TOX: variants seen among roughly 807,000 people sequenced by gnomAD.
TOX encodes thymocyte selection-associated high mobility group box protein TOX.
In TOX, 11 loss-of-function variants were observed where a neutral mutation model predicts 53.7. That is an observed-to-expected ratio of 0.20 (90% CI 0.13 to 0.34). The LOEUF (loss-of-function observed/expected upper bound fraction) is 0.34, where lower values mean the gene tolerates loss of function less well. Ranked by LOEUF, TOX falls within the 10% of genes least tolerant of loss-of-function variation. The probability of loss-of-function intolerance (pLI) is 1.00; values close to 1 mark genes in which losing one functional copy is unlikely to be tolerated. For missense variants in TOX, 570 were observed against 664.6 expected, an observed-to-expected ratio of 0.86 and a Z score of 1.56; for synonymous variants, 225 against 245.3, an observed-to-expected ratio of 0.92 and a Z score of 0.77.
intron 5 of TOX, among the ~76,000 whole-genome samples, chr8:58,833,919 A>G (rs1005492195): frequency 1.3e-5 from 2 of 152,302 alleles, no homozygotes; most frequent in Admixed American, 6.5e-5. Context: ...CGCTTCTTTC[A>G]GCTTCCTTTT....
intron 3 of TOX, among the ~76,000 whole-genome samples, chr8:58,860,301 C>T (rs1187904882): frequency 1.3e-5 from 2 of 152,140 alleles, no homozygotes; most frequent in Non-Finnish European, 2.9e-5. Context: ...ATGTGCCAGG[C>T]ACTGTCTTAG....
intron 2 of TOX, among the ~76,000 whole-genome samples, chr8:58,959,306 C>G (rs576528262): frequency 3.6e-4 from 55 of 152,182 alleles, no homozygotes; most frequent in Non-Finnish European, 6.2e-4. Context: ...CAAACATTTA[C>G]TTTTATAAGT....
intron 3 of TOX, among the ~76,000 whole-genome samples, chr8:58,863,628 C>T (rs1387520212): frequency 6.6e-6 from 1 of 152,134 alleles, no homozygotes; most frequent in African/African-American, 2.4e-5. Flanking sequence ...TTTAGCTGTT[C>T]TTTAAACAAA....
intron 1 of TOX, among the ~76,000 whole-genome samples, chr8:59,007,157 T>C (rs1240798658): frequency 1.3e-5 from 2 of 152,128 alleles, no homozygotes; most frequent in African/African-American, 4.8e-5. Flanking sequence ...AAGCTATTAC[T>C]TCTCCACAGC....
chr8:59,006,634 C>A (rs1029427998), intron 1 of TOX, among the ~76,000 whole-genome samples: 3 of 152,116 alleles, frequency 2.0e-5, no homozygotes, highest in African/African-American at 7.2e-5. Flanking sequence ...ATATCTAATC[C>A]TCTAGGAACT....
At chr8:58,990,962 T>C (rs927840703) in intron 1 of TOX, among the ~76,000 whole-genome samples, 3 of 152,240 alleles carry the variant, frequency 2.0e-5, no homozygotes. Flanking sequence ...ATCTAACGTG[T>C]ATTGAGCACT....
At chr8:58,823,517 C>T (rs911240225) in intron 6 of TOX, among the ~76,000 whole-genome samples, 5 of 152,176 alleles carry the variant, frequency 3.3e-5, no homozygotes, top group African/African-American at 7.2e-5. Context: ...AGCCACCGTG[C>T]CTGGCTGGTA....
intron 3 of TOX, among the ~76,000 whole-genome samples, chr8:58,913,406 G>A (rs1259951489): frequency 1.3e-5 from 2 of 152,114 alleles, no homozygotes; most frequent in Non-Finnish European, 2.9e-5. Context: ...TGTTTTCACT[G>A]CAATTTTCTG....
At chr8:58,911,762 G>A (rs977486222) in intron 3 of TOX, among the ~76,000 whole-genome samples, 2 of 151,984 alleles carry the variant, frequency 1.3e-5, no homozygotes, top group African/African-American at 2.4e-5. Flanking sequence ...GGAGTGCAAT[G>A]GTGCAATCTT....
At chr8:58,944,174 C>T (rs1812488601) in intron 2 of TOX, among the ~76,000 whole-genome samples, 1 of 152,150 alleles carries the variant, frequency 6.6e-6, no homozygotes, top group East Asian at 1.9e-4. Flanking sequence ...TGTGTTCCAG[C>T]GCAAGAGGCA....
chr8:59,084,761 T>C (rs897551610), intron 1 of TOX, among the ~76,000 whole-genome samples: 2 of 152,190 alleles, frequency 1.3e-5, no homozygotes, highest in Non-Finnish European at 2.9e-5. Context: ...TTGGCAATGG[T>C]GCAGTTTACA....
chr8:59,069,121 C>T (rs1421812792), intron 1 of TOX, among the ~76,000 whole-genome samples: 3 of 152,074 alleles, frequency 2.0e-5, no homozygotes, highest in Admixed American at 2.0e-4. Flanking sequence ...GACAGCAAGA[C>T]GGATGGGTAT....
chr8:59,090,671 A>G (rs540767116), intron 1 of TOX, among the ~76,000 whole-genome samples: 22 of 152,210 alleles, frequency 1.4e-4, no homozygotes, highest in African/African-American at 4.8e-4. Context: ...ACAAATCCTT[A>G]TTCTTGCTTT....
At chr8:58,977,200 T>C (rs1813116943) in intron 1 of TOX, among the ~76,000 whole-genome samples, 1 of 152,264 alleles carries the variant, frequency 6.6e-6, no homozygotes, top group Admixed American at 6.5e-5. Flanking sequence ...CTGCAGCTTC[T>C]ACGTCAGCAC....
chr8:58,907,527 G>A lies in TOX; in HGVS notation c.411+31775C>T, dbSNP rs113425944. Among the ~76,000 whole-genome samples the A allele has an allele frequency of 5.8e-3, 878 of 152,156 alleles. 11 individuals carry two copies. Among genetic ancestry groups the A allele is most frequent in the African/African-American group, 0.02 (826 of 41,518 alleles). On this transcript the variant is annotated intron_variant, in intron 3 of 8. Transcript: ENST00000361421. Reference sequence around the variant, plus strand: ...GGAGAATTGCTTGAACCCAAGAGGCGGAGGTTGCAGTGAGCTGAGATCACA... The same window carrying A: ...GGAGAATTGCTTGAACCCAAGAGGCAGAGGTTGCAGTGAGCTGAGATCACA...
At chr8:58,977,857 C>T (rs188273626) in intron 1 of TOX, among the ~76,000 whole-genome samples, 1 of 152,140 alleles carries the variant, frequency 6.6e-6, no homozygotes, top group Non-Finnish European at 1.5e-5. Context: ...ACATCAAAGA[C>T]CACTAATCAC....
At chr8:59,090,010 T>C (rs1398736571) in intron 1 of TOX, among the ~76,000 whole-genome samples, 1 of 152,098 alleles carries the variant, frequency 6.6e-6, no homozygotes, top group Non-Finnish European at 1.5e-5. Flanking sequence ...TGGCCACTGA[T>C]GTGGTCAGGT....
At chr8:58,944,880 TA>T (rs889932385) in intron 2 of TOX, among the ~76,000 whole-genome samples, 1 of 152,200 alleles carries the variant, frequency 6.6e-6, no homozygotes, top group African/African-American at 2.4e-5. Flanking sequence ...AATTTCAGTA[TA>T]TTTGCCATTG....
chr8:58,852,373 T>G (rs1810839074), intron 3 of TOX, among the ~76,000 whole-genome samples: 1 of 152,202 alleles, frequency 6.6e-6, no homozygotes, highest in Middle Eastern at 3.2e-3. Context: ...CTCAAAACAC[T>G]GATAGGCTGG....
Sources: allele counts gnomAD v4.1 joint callset (sites outside exome capture counted in the v4.1 genomes callset), GRCh38; gene constraint gnomAD v4.1.1; transcripts MANE v1.5; gene names NCBI Gene and HGNC (gene_info 2026-07-23, HGNC 2026-07-21).